SNX13: variants seen among roughly 807,000 people sequenced by gnomAD.
SNX13 encodes the protein sorting nexin-13.
Under a neutral mutation model 133.6 loss-of-function variants are expected in SNX13, and 45 were observed. That is an observed-to-expected ratio of 0.34 (90% CI 0.27 to 0.43). The LOEUF is 0.43. SNX13 is among the 20% of genes least tolerant of loss of function. The pLI, the probability that SNX13 is intolerant of heterozygous loss-of-function variation, is 1.00. For missense variants in SNX13, 1,032 were observed against 1,145.1 expected (o/e 0.90, Z 1.43); for synonymous variants, 414 against 373.9 (o/e 1.11, Z -1.24).
intron 22 of SNX13, 27 bp from the exon 23 acceptor site, chr7:17,799,181 A>C (rs374688223): frequency 3.7e-5 from 57 of 1,560,808 alleles, no homozygotes; most frequent in Non-Finnish European, 4.9e-5. Context: ...AATAAGAATA[A>C]GTTTGAGTTA....
Position 17,831,557 on chromosome 7 carries a change from A to C in SNX13, c.1598-1510T>G, listed in dbSNP as rs1788490202. 4.1e-6 allele frequency: 4 copies of C among 984,214 alleles called. No individual in the cohort carries two copies. The South Asian group carries it at 1.9e-4, about 46-fold the overall frequency. 61.0% of individuals were successfully genotyped at this position (984,214 alleles called of 1,614,324 possible). ...TTAAATAGGAATGAAATTTCTACTC[A>C]AGCAAAGAAAAACCACCAGAGGATA... On this transcript the variant is annotated intron_variant, in intron 15 of 25. Coordinates refer to ENST00000428135, the MANE Select transcript of SNX13 (RefSeq NM_015132.5).
chr7:17,917,482 T>C (rs1799687879), intron 1 of SNX13, among the ~76,000 whole-genome samples: 1 of 151,860 alleles, frequency 6.6e-6, no homozygotes, highest in Non-Finnish European at 1.5e-5. Context: ...CAAAAATCAA[T>C]ATTATTTCTA....
intron 5 of SNX13, chr7:17,881,243 C>G (rs1795305761): frequency 6.6e-6 from 1 of 151,490 alleles, no homozygotes; most frequent in South Asian, 2.1e-4. Context: ...GTACAACACA[C>G]ACACACACAC....
chr7:17,860,912 T>C (rs1341012338), intron 9 of SNX13, among the ~76,000 whole-genome samples: 2 of 152,332 alleles, frequency 1.3e-5, no homozygotes, highest in South Asian at 2.1e-4. Context: ...AGAAATATCA[T>C]TGGGATTTTG....
intron 9 of SNX13, among the ~76,000 whole-genome samples, chr7:17,864,756 G>T (rs1793160289): frequency 6.6e-6 from 1 of 151,592 alleles, no homozygotes; most frequent in South Asian, 2.1e-4. Flanking sequence ...CCTAAAAGCT[G>T]CATAAAGAAG....
At position 17,873,547 on chromosome 7, in the gene SNX13, A is replaced by G; in HGVS notation, c.734T>C (p.Ile245Thr). The change falls in exon 8 of 26, where the codon ATC (isoleucine) becomes ACC (threonine). Residue 245 changes from isoleucine to threonine, a missense_variant. Transcript: ENST00000428135. ...LLPPGDFQNK[I>T]MRYFVREILA... is the part of the protein sequence containing the mutation. ...GCTTACCCTGACAAAGTATCGCATG[A>G]TCTTGTTCTGGAAATCTCCAGGAGG... is the stretch of plus-strand genomic sequence containing the variant. 4 of 1,586,216 alleles carry G rather than the reference A, an allele frequency of 2.5e-6. No homozygotes were observed. Among genetic ancestry groups the G allele is most frequent in the Non-Finnish European group, 3.4e-6 (4 of 1,166,598 alleles).
At chr7:17,854,586 T>C (rs974910119) in intron 9 of SNX13, among the ~76,000 whole-genome samples, 3 of 152,224 alleles carry the variant, frequency 2.0e-5, no homozygotes, top group Admixed American at 2.0e-4. Flanking sequence ...ATTTTCAGAA[T>C]ATTTCAGACT....
chr7:17,819,670 A>G (rs1787060423), intron 18 of SNX13, among the ~76,000 whole-genome samples: 2 of 152,094 alleles, frequency 1.3e-5, no homozygotes, highest in Non-Finnish European at 2.9e-5. Context: ...AAATCATTAC[A>G]TTTTTCTTCC....
intron 15 of SNX13, chr7:17,831,258 T>G: frequency 1.0e-6 from 1 of 982,972 alleles, no homozygotes; most frequent in Non-Finnish European, 1.2e-6. Context: ...CTACAAATAT[T>G]AGAAAACAAA....
At chr7:17,797,016 T>G in intron 24 of SNX13, 77 bp from the exon 25 acceptor site, 1 of 1,117,302 alleles carries the variant, frequency 9.0e-7, no homozygotes, top group Non-Finnish European at 1.3e-6. Flanking sequence ...TATTTCAAAT[T>G]TCTACAGAAA....
chr7:17,927,395 A>G (rs1800886613), intron 1 of SNX13, among the ~76,000 whole-genome samples: 1 of 151,720 alleles, frequency 6.6e-6, no homozygotes, highest in Non-Finnish European at 1.5e-5. Flanking sequence ...GGCACACACC[A>G]CCATGCCTGG....
chr7:17,870,884 A>T (rs1481442886), intron 8 of SNX13, among the ~76,000 whole-genome samples: 1 of 152,186 alleles, frequency 6.6e-6, no homozygotes, highest in Admixed American at 6.5e-5. Context: ...AATAACAGGG[A>T]ATTATGAGGG....
At chr7:17,795,227 T>C (rs915463016) in intron 25 of SNX13, 2 of 151,832 alleles carry the variant, frequency 1.3e-5, no homozygotes, top group African/African-American at 4.8e-5. Context: ...GAGACCAACA[T>C]GTATGATTAT....
rs778497892 is a variant in SNX13, at chr7:17,940,211, G to A, written c.12+73C>T. ...GGTCAGGCCCACCTTCCGTACAGAT[G>A]ATGTTCTCTGACGGGCTGGCGCCGG... On this transcript the variant is annotated intron_variant, in intron 1 of 25. Transcript: ENST00000428135. 1.6e-4 allele frequency: 252 copies of A among 1,543,964 alleles called. No individual in the cohort carries two copies. The Middle Eastern group carries it at 2.0e-3, about 12-fold the overall frequency.
At chr7:17,925,011 CA>C (rs1426320787) in intron 1 of SNX13, among the ~76,000 whole-genome samples, 1 of 152,094 alleles carries the variant, frequency 6.6e-6, no homozygotes, top group East Asian at 1.9e-4. Context: ...AGTTCAAGAC[CA>C]GCCTGGCCAA....
At chr7:17,882,628 A>G in intron 5 of SNX13, 1 of 207,936 alleles carries the variant, frequency 4.8e-6, no homozygotes. Context: ...ACTTAAAAAA[A>G]AATAACTCCC....
At chr7:17,916,680 CA>C (rs746287593) in intron 1 of SNX13, among the ~76,000 whole-genome samples, 52 of 140,484 alleles carry the variant, frequency 3.7e-4, no homozygotes, top group Admixed American at 4.2e-4. Context: ...ACGTATCAAC[CA>C]AAAAAAAAAA....
At chr7:17,895,870 C>T (rs541521592) in intron 2 of SNX13, among the ~76,000 whole-genome samples, 9 of 152,214 alleles carry the variant, frequency 5.9e-5, no homozygotes, top group Admixed American at 2.6e-4. Context: ...GGGCTCCTAC[C>T]TTAGCCTATA....
At chr7:17,856,967 A>C (rs557683949) in intron 9 of SNX13, among the ~76,000 whole-genome samples, 2 of 152,116 alleles carry the variant, frequency 1.3e-5, no homozygotes, top group African/African-American at 2.4e-5. Flanking sequence ...TGATCTTTTA[A>C]AGGGAGAAAC....
Sources: gnomAD v4.1 joint callset for allele counts (sites outside exome capture counted in the v4.1 genomes callset) on GRCh38, gnomAD v4.1.1 for gene constraint, MANE v1.5 for transcripts, NCBI Gene and HGNC (gene_info 2026-07-23, HGNC 2026-07-21) for gene names.